The following TTBK2 variants were observed in gnomAD, a reference collection of about 807,000 sequenced individuals.
TTBK2 encodes the protein tau tubulin kinase 2.
Under a neutral mutation model 110.8 loss-of-function variants are expected in TTBK2, and 28 were observed. The ratio of observed to expected loss-of-function variants is 0.25; its 90% confidence interval spans 0.19 to 0.35. The LOEUF is 0.35. Ranked by LOEUF, TTBK2 falls within the 10% of genes least tolerant of loss-of-function variation. TTBK2 has a pLI of 1.00. For synonymous variants in TTBK2, 532 were observed against 527.3 expected (o/e 1.01, Z -0.12); for missense variants, 1,369 against 1,500.3 (o/e 0.91, Z 1.45).
chr15:42,907,234 T>A (rs1038221410), intron 1 of TTBK2, among the ~76,000 whole-genome samples: 4 of 152,108 alleles, frequency 2.6e-5, no homozygotes, highest in Non-Finnish European at 5.9e-5. Flanking sequence ...CTGGTAGGAA[T>A]GGAAATTAGT....
chr15:42,818,491 G>A (rs1019615071), intron 6 of TTBK2, among the ~76,000 whole-genome samples: 1 of 152,022 alleles, frequency 6.6e-6, no homozygotes, highest in Admixed American at 6.5e-5. Flanking sequence ...AGGCTGAGGC[G>A]GGCAGATCAC....
chr15:42,902,104 T>C (rs376832076), intron 1 of TTBK2, among the ~76,000 whole-genome samples: 1 of 150,744 alleles, frequency 6.6e-6, no homozygotes, highest in East Asian at 2.0e-4. Context: ...TAGTCCCAGC[T>C]ACTAGGGAGG....
intron 6 of TTBK2, among the ~76,000 whole-genome samples, chr15:42,821,273 A>C (rs2140961022): frequency 6.6e-6 from 1 of 152,354 alleles, no homozygotes; most frequent in Middle Eastern, 3.4e-3. Flanking sequence ...GAATGTAGGG[A>C]GCAGGGGGAA....
chr15:42,851,197 G>C (rs1270798397), intron 3 of TTBK2, among the ~76,000 whole-genome samples: 1 of 151,074 alleles, frequency 6.6e-6, no homozygotes, highest in African/African-American at 2.4e-5. Flanking sequence ...GCAGTGAGCA[G>C]AGATCATGCC....
intron 9 of TTBK2, chr15:42,802,165 T>C (rs1891244962): frequency 2.2e-6 from 3 of 1,380,888 alleles, no homozygotes; most frequent in South Asian, 1.2e-5. Flanking sequence ...GGCCTGGATG[T>C]TGGGGTCCAC....
chr15:42,783,308 G>A, intron 11 of TTBK2, 111 bp downstream of exon 11: 1 of 1,021,038 alleles, frequency 9.8e-7, no homozygotes, highest in Non-Finnish European at 1.5e-6. Flanking sequence ...GCAAGGAGGA[G>A]CCACAAAACA....
rs2031316247 is a variant in TTBK2, at chr15:42,920,515, C to T, written c.-145G>A. On this transcript the variant is annotated 5_prime_UTR_variant, in exon 1 of 15. Transcript: ENST00000267890. The stretch of plus-strand genomic sequence containing the variant: ...GGACCGGGACCGGCGGGGGTTAACC[C>T]TCGGCAGGCGGGACCGCCACTGCCT... The T allele has an allele frequency of 6.5e-6, 1 of 152,854 alleles. No individual in the cohort carries two copies. The highest frequency in any genetic ancestry group is 1.5e-5 in the Non-Finnish European group (1 of 68,286). 9.5% of individuals were successfully genotyped at this position (152,854 alleles called of 1,614,324 possible).
intron 3 of TTBK2, among the ~76,000 whole-genome samples, chr15:42,845,325 A>G (rs1893402698): frequency 6.6e-6 from 1 of 152,080 alleles, no homozygotes; most frequent in Non-Finnish European, 1.5e-5. Flanking sequence ...TGGTTCCAAG[A>G]CCTTCCTTGG....
At chr15:42,861,464 A>G (rs1567064917) in intron 3 of TTBK2, among the ~76,000 whole-genome samples, 1 of 152,212 alleles carries the variant, frequency 6.6e-6, no homozygotes, top group Non-Finnish European at 1.5e-5. Context: ...CTACAAAAAT[A>G]CATGGAAGTT....
At chr15:42,859,349 C>T (rs897685940) in intron 3 of TTBK2, among the ~76,000 whole-genome samples, 2 of 152,286 alleles carry the variant, frequency 1.3e-5, no homozygotes, top group Admixed American at 6.5e-5. Context: ...CTCAAGCAAT[C>T]CACCCACCTC....
chr15:42,745,313 G>C lies in TTBK2; in HGVS notation c.*482C>G, dbSNP rs16957120. On this transcript the variant is annotated 3_prime_UTR_variant, in exon 15 of 15. Transcript: ENST00000267890. ...ATAAACACACAAGCCAAATATACAT[G>C]AATACTGGCTCCCTGGCAACAGACT... The C allele has an allele frequency of 0.053, 9,876 of 186,116 alleles. 659 individuals carry two copies. Among genetic ancestry groups the C allele is most frequent in the African/African-American group, 0.18 (7,487 of 42,000 alleles). The allele number at this position is 186,116 out of a possible 1,614,324, so 11.5% of individuals were successfully genotyped here. A position where few individuals can be genotyped will look rare whatever the true frequency, so the allele number is the denominator to read the frequency against.
In TTBK2 at chr15:42,738,969, C is replaced by T. The variant is rs2061733399; in HGVS notation, c.*6826G>A. The T allele has an allele frequency of 6.6e-6, 1 of 152,060 alleles. No homozygotes were observed. Among genetic ancestry groups the T allele is most frequent in the African/African-American group, 2.4e-5 (1 of 41,398 alleles). The allele number at this position is 152,060 out of a possible 1,614,324, so 9.4% of individuals were successfully genotyped here. ...AATCCAGACCATCACACAAACAGAA[C>T]TAGATTTTGCATGCGGAATGAATAT... On this transcript the variant is annotated 3_prime_UTR_variant, in exon 15 of 15. Coordinates refer to ENST00000267890, the MANE Select transcript of TTBK2 (RefSeq NM_173500.4).
Position 42,878,150 on chromosome 15 carries a change from C to CT in TTBK2, c.69+398dup, listed in dbSNP as rs530318163. Among the ~76,000 whole-genome samples, 699 of 138,166 alleles carry CT rather than the reference C, an allele frequency of 5.1e-3. 9 individuals are homozygous for CT. Among genetic ancestry groups the CT allele is most frequent in the African/African-American group, 0.016 (614 of 38,210 alleles). The allele number at this position is 138,166 out of a possible 152,430, so 90.6% of individuals were successfully genotyped here. ...CACCACGCCCAGCTAATTTTTTTTG[C>CT]TTTTTTTTTTTTTAGTAGAGATGGG... On this transcript the variant is annotated intron_variant, in intron 2 of 14. Coordinates refer to ENST00000267890, the MANE Select transcript of TTBK2 (RefSeq NM_173500.4).
chr15:42,780,189 CTTTTTTTT>C (rs892670301), intron 11 of TTBK2, among the ~76,000 whole-genome samples: 57 of 100,790 alleles, frequency 5.7e-4, no homozygotes, highest in African/African-American at 1.8e-3. Context: ...GCCCGGCTAA[CTTTTTTTT>C]TTTTTTTTTT....
At chr15:42,828,516 C>T (rs1325751673) in intron 5 of TTBK2, among the ~76,000 whole-genome samples, 2 of 151,012 alleles carry the variant, frequency 1.3e-5, no homozygotes, top group African/African-American at 2.4e-5. Flanking sequence ...GAGTTTGAGA[C>T]CATCCTGACC....
chr15:42,907,916 A>T lies in TTBK2; in HGVS notation c.-68+12522T>A, dbSNP rs530032514. Among the ~76,000 whole-genome samples, 249 of 150,724 alleles carry T rather than the reference A, an allele frequency of 1.7e-3. 2 individuals are homozygous for T. Among genetic ancestry groups the T allele is most frequent in the South Asian group, 7.5e-3 (36 of 4,770 alleles). On this transcript the variant is annotated intron_variant, in intron 1 of 14. Transcript: ENST00000267890. ...CAAAACCCCATCTCTACAAAAAAAA[A>T]AAAAATAATAATAATAATAATTAGC...
At chr15:42,815,236 C>T (rs1891890045) in intron 7 of TTBK2, among the ~76,000 whole-genome samples, 1 of 151,644 alleles carries the variant, frequency 6.6e-6, no homozygotes, top group African/African-American at 2.4e-5. Context: ...CTGAATCAAA[C>T]CAAATGAGTT....
At chr15:42,747,411 C>T (rs1000582573) in intron 14 of TTBK2, among the ~76,000 whole-genome samples, 3 of 152,170 alleles carry the variant, frequency 2.0e-5, no homozygotes, top group Non-Finnish European at 2.9e-5. Flanking sequence ...TGGTCCCCAA[C>T]CTTTTTAGCA....
intron 6 of TTBK2, among the ~76,000 whole-genome samples, chr15:42,821,892 G>T (rs564230105): frequency 6.6e-6 from 1 of 151,856 alleles, no homozygotes; most frequent in Admixed American, 6.6e-5. Flanking sequence ...GAGTTCCACC[G>T]TGTTAGCCAG....
Sources: allele counts gnomAD v4.1 joint callset (sites outside exome capture counted in the v4.1 genomes callset), GRCh38; gene constraint gnomAD v4.1.1; transcripts MANE v1.5; gene names NCBI Gene and HGNC (gene_info 2026-07-23, HGNC 2026-07-21).